C4orf36: variants seen among roughly 807,000 people sequenced by gnomAD.
C4orf36 encodes uncharacterized protein C4orf36.
A neutral mutation model predicts 12.2 loss-of-function variants in C4orf36; 11 were observed. The observed-to-expected ratio is 0.90, with a 90% CI of 0.57 to 1.49. The LOEUF (loss-of-function observed/expected upper bound fraction) is 1.49, where lower values mean the gene tolerates loss of function less well. Among genes scored for constraint, C4orf36 ranks in the 40% most tolerant of loss-of-function variants. The pLI, the probability that C4orf36 is intolerant of heterozygous loss-of-function variation, is 0.00. For missense variants in C4orf36, 137 were observed against 133.9 expected, an observed-to-expected ratio of 1.02 and a Z score of -0.11; for synonymous variants, 54 against 51.3, an observed-to-expected ratio of 1.05 and a Z score of -0.22.
chr4:86,911,956 G>A, the C4orf36 span, among the ~76,000 whole-genome samples: 1 of 152,204 alleles, frequency 6.6e-6, no homozygotes, highest in East Asian at 1.9e-4. Flanking sequence ...TGCCTCCTGG[G>A]TTCAAGTGAT....
chr4:86,903,932 G>A, the C4orf36 span, among the ~76,000 whole-genome samples: 8 of 152,132 alleles, frequency 5.3e-5, no homozygotes, highest in Admixed American at 1.3e-4. Context: ...TGATTGGTGC[G>A]TTTACAAACC....
At chr4:86,882,692 T>C (rs1747076017) in intron 4 of C4orf36, among the ~76,000 whole-genome samples, 1 of 152,166 alleles carries the variant, frequency 6.6e-6, no homozygotes, top group African/African-American at 2.4e-5. Flanking sequence ...TGCCCTGTAG[T>C]TCACTTTTGA....
At chr4:86,920,847 T>A in the C4orf36 span, among the ~76,000 whole-genome samples, 1 of 152,132 alleles carries the variant, frequency 6.6e-6, no homozygotes, top group Non-Finnish European at 1.5e-5. Context: ...GTTTCCAATA[T>A]ATGGCCGGGC....
chr4:86,876,853 C>A (rs1199675381), intron 4 of C4orf36, among the ~76,000 whole-genome samples: 1 of 152,198 alleles, frequency 6.6e-6, no homozygotes, highest in Non-Finnish European at 1.5e-5. Flanking sequence ...GAACCCAGAT[C>A]TACTAAAACC....
chr4:86,894,878 T>C (rs1051823757), upstream of C4orf36, among the ~76,000 whole-genome samples: 2 of 152,188 alleles, frequency 1.3e-5, no homozygotes, highest in African/African-American at 4.8e-5. Flanking sequence ...TGGAAGCAGA[T>C]GCTTCAAGGC....
chr4:86,922,972 T>G, the C4orf36 span, among the ~76,000 whole-genome samples: 2 of 150,078 alleles, frequency 1.3e-5, no homozygotes, highest in Non-Finnish European at 3.0e-5. Flanking sequence ...TTTTAAGAGA[T>G]AGGGATCTTG....
the C4orf36 span, among the ~76,000 whole-genome samples, chr4:86,919,848 A>C: frequency 6.6e-6 from 1 of 152,248 alleles, no homozygotes; most frequent in East Asian, 1.9e-4. Flanking sequence ...AAGCCTGGGC[A>C]GCAAAGTGAG....
the C4orf36 span, chr4:86,935,735 A>T: frequency 1.5e-4 from 23 of 151,204 alleles, no homozygotes; most frequent in African/African-American, 4.6e-4. Flanking sequence ...CGTCTCGCTG[A>T]GAGCAGGAGG....
At chr4:86,885,963 G>T (rs1286193428) in intron 4 of C4orf36, among the ~76,000 whole-genome samples, 4 of 152,170 alleles carry the variant, frequency 2.6e-5, no homozygotes, top group Admixed American at 1.3e-4. Flanking sequence ...TAATCATGTG[G>T]TTTTTGTCTC....
chr4:86,931,741 G>T, the C4orf36 span, among the ~76,000 whole-genome samples: 2 of 152,166 alleles, frequency 1.3e-5, no homozygotes, highest in African/African-American at 4.8e-5. Flanking sequence ...CTCAGGTTAA[G>T]ATTTATTTGT....
the C4orf36 span, among the ~76,000 whole-genome samples, chr4:86,899,044 T>C: frequency 6.6e-6 from 1 of 152,120 alleles, no homozygotes; most frequent in African/African-American, 2.4e-5. Context: ...TGAGCCACGA[T>C]TGTGCCACTG....
the C4orf36 span, among the ~76,000 whole-genome samples, chr4:86,908,377 A>G: frequency 6.6e-6 from 1 of 151,360 alleles, no homozygotes; most frequent in African/African-American, 2.4e-5. Flanking sequence ...TACAAGTTCT[A>G]TTTTGGTTTA....
At chr4:86,917,256 G>C in the C4orf36 span, among the ~76,000 whole-genome samples, 1 of 151,648 alleles carries the variant, frequency 6.6e-6, no homozygotes, top group African/African-American at 2.4e-5. Flanking sequence ...CTGCACCCGG[G>C]GCAGCAGAAT....
At chr4:86,892,109 G>A (rs1241211780) in intron 1 of C4orf36, 74 bp downstream of exon 1, 1 of 985,632 alleles carries the variant, frequency 1.0e-6, no homozygotes, top group Non-Finnish European at 1.2e-6. Context: ...TGGTTCCCGG[G>A]ACGGGTGGGG....
the C4orf36 span, among the ~76,000 whole-genome samples, chr4:86,909,046 A>G: frequency 6.6e-6 from 1 of 152,152 alleles, no homozygotes; most frequent in Non-Finnish European, 1.5e-5. Context: ...GAGTGGGACA[A>G]GTTGGGATAT....
the C4orf36 span, among the ~76,000 whole-genome samples, chr4:86,906,698 T>C: frequency 1.7e-5 from 2 of 119,238 alleles, no homozygotes; most frequent in African/African-American, 6.6e-5. Flanking sequence ...ATCGCTACAC[T>C]CCAGCCTGGG....
intron 4 of C4orf36, among the ~76,000 whole-genome samples, chr4:86,883,535 C>G (rs1747096509): frequency 1.3e-5 from 2 of 152,264 alleles, no homozygotes; most frequent in South Asian, 4.1e-4. Flanking sequence ...TGGCAGTTTT[C>G]ATTTAATCTT....
chr4:86,910,911 A>C, the C4orf36 span, among the ~76,000 whole-genome samples: 3 of 151,786 alleles, frequency 2.0e-5, no homozygotes, highest in Non-Finnish European at 4.4e-5. Context: ...TAAAGATACA[A>C]AAAAAATAGC....
the C4orf36 span, among the ~76,000 whole-genome samples, chr4:86,912,447 C>T: frequency 3.6e-4 from 55 of 152,324 alleles, no homozygotes; most frequent in Admixed American, 3.5e-3. Flanking sequence ...CTCTTTTAGT[C>T]TGGACCCAAA....
Sources: allele counts gnomAD v4.1 joint callset (sites outside exome capture counted in the v4.1 genomes callset), GRCh38; gene constraint gnomAD v4.1.1; transcripts MANE v1.5; gene names NCBI Gene and HGNC (gene_info 2026-07-23, HGNC 2026-07-21).